Variants in XK observed in about 807,000 individuals in gnomAD.
The protein encoded by XK is X-linked Kx blood group antigen, Kell and VPS13A binding protein.
A neutral mutation model predicts 14.0 loss-of-function variants in XK; 2 were observed. That is an observed-to-expected ratio of 0.14 (90% CI 0.06 to 0.45). The LOEUF (loss-of-function observed/expected upper bound fraction) is 0.45. XK is among the 20% of genes least tolerant of loss of function. XK has a pLI of 0.98. For synonymous variants in XK, 149 were observed against 147.5 expected (o/e 1.01, Z -0.08); for missense variants, 235 against 341.5 (o/e 0.69, Z 2.46).
chrX:37,694,023 C>A (rs782682815), intron 1 of XK, among the ~76,000 whole-genome samples: 2 of 112,205 alleles, frequency 1.8e-5, no homozygotes, highest in African/African-American at 3.2e-5. Context: ...ACTTTCCATT[C>A]TCTAAGAGAT....
chrX:37,694,679 C>T (rs1927274709), intron 2 of XK, 131 bp downstream of exon 2: 1 of 945,891 alleles, frequency 1.1e-6, no homozygotes. Flanking sequence ...AGTTACTATG[C>T]TCAAAACTCA....
chrX:37,711,210 A>G (rs955000303), intron 2 of XK, among the ~76,000 whole-genome samples: 23 of 112,515 alleles, frequency 2.0e-4, no homozygotes, highest in Non-Finnish European at 3.9e-4. Context: ...TGGAGGCAGG[A>G]ATGGCTGTGT....
intron 2 of XK, among the ~76,000 whole-genome samples, chrX:37,726,502 T>C (rs1460488635): frequency 9.0e-6 from 1 of 111,319 alleles, no homozygotes; most frequent in East Asian, 2.8e-4. Context: ...CATCCTTCCT[T>C]GTGCCAGTAT....
At position 37,706,779 on chromosome X, in the gene XK, G is replaced by A. The variant is rs928224719; in HGVS notation, c.508+12231G>A. ...GGTTTTCCTAGGCAGAGGACCCTGC[G>A]GCCTTCTGCAGTGTTTGTGTCCCTG... On this transcript the variant is annotated intron_variant, in intron 2 of 2. Coordinates refer to ENST00000378616, the MANE Select transcript of XK (RefSeq NM_021083.4). 7.6e-4 allele frequency among the ~76,000 whole-genome samples: 83 copies of A among 109,229 alleles called. 1 individual carries two copies. The highest frequency in any genetic ancestry group is 5.5e-3 in the Admixed American group (57 of 10,302). The allele number at this position is 109,229 out of a possible 115,157, so 94.9% of individuals were successfully genotyped here.
rs781786943 is a variant in XK at position 37,727,129 on chromosome X, C to T, written c.509-507C>T. 5.4e-5 allele frequency among the ~76,000 whole-genome samples: 6 copies of T among 111,105 alleles called. No individual in the cohort carries two copies. In the South Asian group the frequency reaches 2.3e-3, roughly 43 times the overall value. ...AGTGTGAGTTACCCTGAAGCAGGCC[C>T]TACGAGAAGAATTTGAGTGCATATA... On this transcript the variant is annotated intron_variant, in intron 2 of 2. Coordinates refer to ENST00000378616, the MANE Select transcript of XK (RefSeq NM_021083.4).
At chrX:37,698,816 G>A (rs1358853472) in intron 2 of XK, among the ~76,000 whole-genome samples, 2 of 111,754 alleles carry the variant, frequency 1.8e-5, no homozygotes, top group Non-Finnish European at 3.8e-5. Context: ...CCTGCAAAGT[G>A]AAAGATAAGT....
At chrX:37,695,175 G>A (rs1266681266) in intron 2 of XK, among the ~76,000 whole-genome samples, 1 of 112,126 alleles carries the variant, frequency 8.9e-6, no homozygotes, top group Non-Finnish European at 1.9e-5. Context: ...TACCACTGTG[G>A]CCATTTTTAG....
Position 37,729,786 on chromosome X carries a change from C to G in XK, c.*1324C>G, listed in dbSNP as rs1173312048. ...GTCTGAGAAATTTACAAAAGGGACT[C>G]TATGGACTCGATTTTACCATATGGA... On this transcript the variant is annotated 3_prime_UTR_variant, in exon 3 of 3. Coordinates refer to ENST00000378616, the MANE Select transcript of XK (RefSeq NM_021083.4). The G allele has an allele frequency of 9.0e-6, 1 of 111,411 alleles. No individual in the cohort carries two copies. The highest frequency in any genetic ancestry group is 1.9e-5 in the Non-Finnish European group (1 of 52,996). The allele number at this position is 111,411 out of a possible 1,213,427, so 9.2% of individuals were successfully genotyped here. A position where few individuals can be genotyped will look rare whatever the true frequency, so the allele number is the denominator to read the frequency against.
chrX:37,719,874 C>A, intron 2 of XK, among the ~76,000 whole-genome samples: 1 of 110,778 alleles, frequency 9.0e-6, no homozygotes, highest in African/African-American at 3.3e-5. Flanking sequence ...AAGAAAAAAA[C>A]TAGAGAAAAT....
intron 2 of XK, among the ~76,000 whole-genome samples, chrX:37,699,764 G>C (rs1268249643): frequency 8.9e-6 from 1 of 111,793 alleles, no homozygotes; most frequent in Non-Finnish European, 1.9e-5. Flanking sequence ...CAGTTATTAG[G>C]GTGAGCAGGT....
chrX:37,713,336 G>A (rs782452802), intron 2 of XK, among the ~76,000 whole-genome samples: 2 of 111,583 alleles, frequency 1.8e-5, no homozygotes, highest in Non-Finnish European at 1.9e-5. Context: ...AGGATTCCAA[G>A]AGACATGAAG....
chrX:37,731,872 G>A lies in XK; in HGVS notation c.*3410G>A, dbSNP rs1382812768. 5 of 112,105 alleles carry A rather than the reference G, an allele frequency of 4.5e-5. No homozygotes were observed. Among genetic ancestry groups the A allele is most frequent in the African/African-American group, 1.6e-4 (5 of 30,905 alleles). 9.2% of individuals were successfully genotyped at this position (112,105 alleles called of 1,213,427 possible). On this transcript the variant is annotated 3_prime_UTR_variant, in exon 3 of 3. Transcript: ENST00000378616. ...TTTACAACTTGAATGCTGATTCAAG[G>A]CATTATTTGGATGTGAGTTTAATCT...
chrX:37,693,596 G>A (rs1390773036), intron 1 of XK, among the ~76,000 whole-genome samples: 1 of 109,795 alleles, frequency 9.1e-6, no homozygotes, highest in African/African-American at 3.3e-5. Context: ...TAAAAGCCAG[G>A]TATTCTCTCA....
At chrX:37,694,874 G>A (rs1021572916) in intron 2 of XK, among the ~76,000 whole-genome samples, 15 of 111,488 alleles carry the variant, frequency 1.3e-4, no homozygotes, top group Non-Finnish European at 2.8e-4. Context: ...GCTGTTGCTG[G>A]GAGTTTCAGA....
chrX:37,696,129 T>C (rs1200830644), intron 2 of XK, among the ~76,000 whole-genome samples: 6 of 112,145 alleles, frequency 5.4e-5, no homozygotes, highest in Admixed American at 9.5e-5. Flanking sequence ...ATGGGCCTAA[T>C]CTGGGCACTG....
intron 2 of XK, among the ~76,000 whole-genome samples, chrX:37,720,154 C>A (rs1927840590): frequency 9.0e-6 from 1 of 111,226 alleles, no homozygotes; most frequent in South Asian, 3.7e-4. Flanking sequence ...TGAGAGATTT[C>A]TATAAGTTGT....
chrX:37,699,915 C>T (rs976186256), intron 2 of XK, among the ~76,000 whole-genome samples: 2 of 110,971 alleles, frequency 1.8e-5, no homozygotes, highest in Non-Finnish European at 3.8e-5. Flanking sequence ...GCACTGGTAC[C>T]TGGAGAGGCT....
chrX:37,700,544 G>A (rs1398541563), intron 2 of XK, among the ~76,000 whole-genome samples: 1 of 111,917 alleles, frequency 8.9e-6, no homozygotes, highest in Admixed American at 9.4e-5. Context: ...TTGCCAGTGT[G>A]GGGTGTTTGA....
intron 2 of XK, among the ~76,000 whole-genome samples, chrX:37,708,728 C>T (rs1181907903): frequency 1.8e-5 from 2 of 112,042 alleles, no homozygotes; most frequent in Non-Finnish European, 3.8e-5. Flanking sequence ...ACAAATAAAC[C>T]CATCAATACT....
Sources: allele counts gnomAD v4.1 joint callset (sites outside exome capture counted in the v4.1 genomes callset), GRCh38; gene constraint gnomAD v4.1.1; transcripts MANE v1.5; gene names NCBI Gene and HGNC (gene_info 2026-07-23, HGNC 2026-07-21).